The following GALNT13 variants were observed in gnomAD, a reference collection of about 807,000 sequenced individuals.
GALNT13 encodes UDP-GalNAc:polypeptide N-acetylgalactosaminyltransferase 13.
Under a neutral mutation model 64.2 loss-of-function variants are expected in GALNT13, and 28 were observed. The ratio of observed to expected loss-of-function variants is 0.44; its 90% CI spans 0.32 to 0.60. The LOEUF (loss-of-function observed/expected upper bound fraction) is 0.60. GALNT13 is among the 20% of genes least tolerant of loss of function. The pLI is 0.05. For synonymous variants in GALNT13, 214 were observed against 224.6 expected (o/e 0.95, Z 0.42); for missense variants, 577 against 669.8 (o/e 0.86, Z 1.53).
chr2:154,331,675 T>A (rs902058743), intron 9 of GALNT13, among the ~76,000 whole-genome samples: 2 of 152,102 alleles, frequency 1.3e-5, no homozygotes, highest in Non-Finnish European at 2.9e-5. Flanking sequence ...GACAAGGTAA[T>A]GTTAATATAC....
At chr2:153,531,825 C>T in the GALNT13 span, among the ~76,000 whole-genome samples, 6 of 152,118 alleles carry the variant, frequency 3.9e-5, no homozygotes, top group South Asian at 4.1e-4. Context: ...CATGCAAGTC[C>T]GAAACCCAGC....
At chr2:153,817,933 A>C in the GALNT13 span, among the ~76,000 whole-genome samples, 6 of 152,188 alleles carry the variant, frequency 3.9e-5, no homozygotes, top group Non-Finnish European at 8.8e-5. Context: ...AGAAGCAGCT[A>C]ATGTGCACTG....
chr2:153,246,260 C>A, the GALNT13 span, among the ~76,000 whole-genome samples: 1 of 152,098 alleles, frequency 6.6e-6, no homozygotes, highest in Non-Finnish European at 1.5e-5. Context: ...CCCAACCTAG[C>A]AAGACAGGCC....
the GALNT13 span, among the ~76,000 whole-genome samples, chr2:153,213,363 A>G: frequency 6.6e-6 from 1 of 152,180 alleles, no homozygotes. Flanking sequence ...AACCTGTCCA[A>G]CCTTTGCTCT....
intron 4 of GALNT13, among the ~76,000 whole-genome samples, chr2:154,150,037 C>G (rs1428373310): frequency 1.3e-5 from 2 of 152,106 alleles, no homozygotes; most frequent in Non-Finnish European, 2.9e-5. Flanking sequence ...CAGTTTTTGC[C>G]CATTCAGTAT....
chr2:153,078,939 G>A, the GALNT13 span, among the ~76,000 whole-genome samples: 25 of 152,106 alleles, frequency 1.6e-4, no homozygotes, highest in African/African-American at 6.0e-4. Context: ...ATTTTTATGT[G>A]TTGTTGTAAT....
rs986970142 is a variant in GALNT13, at chr2:154,308,795, G to A, written c.1156+7206G>A. 3.3e-5 allele frequency among the ~76,000 whole-genome samples: 5 copies of A among 152,040 alleles called. No homozygotes were observed. In the South Asian group the frequency reaches 1.0e-3, roughly 31 times the overall value. On this transcript the variant is annotated intron_variant, in intron 9 of 12. Coordinates refer to ENST00000392825, the MANE Select transcript of GALNT13 (RefSeq NM_052917.4). ...GTGCCATGTTATAATAACACATAAT[G>A]CATTATTTGTGTGATGCCCTAAAAT...
intron 3 of GALNT13, among the ~76,000 whole-genome samples, chr2:154,038,442 A>G (rs577669557): frequency 3.3e-5 from 5 of 152,280 alleles, no homozygotes; most frequent in Non-Finnish European, 5.9e-5. Context: ...AACAGAATAG[A>G]AAACTCAGAT....
At chr2:154,130,007 G>A (rs181914685) in intron 3 of GALNT13, among the ~76,000 whole-genome samples, 31 of 152,192 alleles carry the variant, frequency 2.0e-4, no homozygotes, top group African/African-American at 6.5e-4. Context: ...CTGATGGAAC[G>A]ATTTCCTTTC....
chr2:153,299,939 C>T, the GALNT13 span, among the ~76,000 whole-genome samples: 1 of 152,160 alleles, frequency 6.6e-6, no homozygotes. Context: ...CACCCACTAA[C>T]ATCATCCCGT....
chr2:153,609,118 T>G, the GALNT13 span, among the ~76,000 whole-genome samples: 1 of 150,560 alleles, frequency 6.6e-6, no homozygotes, highest in Non-Finnish European at 1.5e-5. Context: ...GTTTTAGTAT[T>G]TTTTGTAGAA....
intron 4 of GALNT13, among the ~76,000 whole-genome samples, chr2:154,235,186 A>G (rs1418217215): frequency 6.6e-6 from 1 of 152,176 alleles, no homozygotes; most frequent in Non-Finnish European, 1.5e-5. Flanking sequence ...CAAATAATTG[A>G]TCTGATAGCA....
At chr2:153,363,143 T>C in the GALNT13 span, among the ~76,000 whole-genome samples, 4 of 151,920 alleles carry the variant, frequency 2.6e-5, no homozygotes, top group African/African-American at 9.7e-5. Flanking sequence ...TCCTGGGTAA[T>C]AATGAAATTA....
the GALNT13 span, among the ~76,000 whole-genome samples, chr2:153,423,266 CAT>C: frequency 1.5e-4 from 22 of 151,668 alleles, no homozygotes; most frequent in South Asian, 2.1e-4. Context: ...ATTTTTAAAA[CAT>C]ATGATTATTT....
chr2:153,581,028 A>G, the GALNT13 span, among the ~76,000 whole-genome samples: 3 of 152,072 alleles, frequency 2.0e-5, no homozygotes, highest in African/African-American at 7.2e-5. Flanking sequence ...ATACTTATAC[A>G]TGTTCTATTA....
chr2:153,557,112 G>A, the GALNT13 span, among the ~76,000 whole-genome samples: 1 of 152,100 alleles, frequency 6.6e-6, no homozygotes, highest in African/African-American at 2.4e-5. Flanking sequence ...ATATATGATG[G>A]TGGTCCCATA....
At chr2:153,828,550 A>G in the GALNT13 span, among the ~76,000 whole-genome samples, 1 of 152,090 alleles carries the variant, frequency 6.6e-6, no homozygotes, top group Non-Finnish European at 1.5e-5. Context: ...CGGGGTACAA[A>G]GTCCCTAGAC....
At chr2:154,438,772 G>C in intron 12 of GALNT13, 46 bp downstream of exon 12, 1 of 1,433,862 alleles carries the variant, frequency 7.0e-7, no homozygotes, top group South Asian at 1.3e-5. Context: ...CTTAAGCTCA[G>C]TTATATATTT....
At chr2:154,421,610 A>AAATT (rs10625653) in intron 11 of GALNT13, among the ~76,000 whole-genome samples, 150,333 of 151,954 alleles carry the variant, frequency 0.99, 74,376 homozygotes, top group East Asian at 1. Flanking sequence ...ATTTTTTTCC[A>AAATT]AATCTATTCT....
Sources: allele counts gnomAD v4.1 joint callset (sites outside exome capture counted in the v4.1 genomes callset), GRCh38; gene constraint gnomAD v4.1.1; transcripts MANE v1.5; gene names NCBI Gene and HGNC (gene_info 2026-07-23, HGNC 2026-07-21).